The following EXOSC10 variants were observed in gnomAD, a reference collection of about 807,000 sequenced individuals.
EXOSC10 encodes exosome complex component 10.
A neutral mutation model predicts 126.6 loss-of-function variants in EXOSC10; 94 were observed. That is an observed-to-expected ratio of 0.74 (90% CI 0.63 to 0.88). The LOEUF (loss-of-function observed/expected upper bound fraction) is 0.88, where lower values mean the gene tolerates loss of function less well. Ranked by LOEUF, EXOSC10 falls within the 40% of genes least tolerant of loss-of-function variation. EXOSC10 has a pLI of 0.00. For synonymous variants in EXOSC10, 395 were observed against 400.8 expected (o/e 0.99, Z 0.17); for missense variants, 1,041 against 1,100.5 (o/e 0.95, Z 0.77).
intron 3 of EXOSC10, among the ~76,000 whole-genome samples, chr1:11,093,578 C>A (rs947608759): frequency 2.6e-5 from 4 of 152,194 alleles, no homozygotes; most frequent in African/African-American, 9.7e-5. Flanking sequence ...TTTCCATGAT[C>A]TCTATGTATT....
chr1:11,095,682 C>G, intron 3 of EXOSC10, 76 bp downstream of exon 3: 1 of 1,420,626 alleles, frequency 7.0e-7, no homozygotes. Flanking sequence ...TCACTGCACT[C>G]CAGCCTGGGC....
chr1:11,091,719 C>G, intron 3 of EXOSC10, 122 bp from the exon 4 acceptor site: 1 of 704,708 alleles, frequency 1.4e-6, no homozygotes, highest in South Asian at 1.7e-5. Context: ...AGTGCAGTGG[C>G]GCAATCTTGC....
intron 19 of EXOSC10, 114 bp downstream of exon 19, chr1:11,073,820 G>C: frequency 1.3e-6 from 1 of 760,798 alleles, no homozygotes; most frequent in Non-Finnish European, 2.1e-6. Context: ...GGAGGTTGCA[G>C]TGAGTCAAGA....
chr1:11,090,151 C>T (rs973318944), intron 6 of EXOSC10, among the ~76,000 whole-genome samples: 8 of 152,132 alleles, frequency 5.3e-5, no homozygotes, highest in African/African-American at 1.9e-4. Context: ...GCACACACCA[C>T]CTCGCCTGGC....
In EXOSC10 at chr1:11,081,239, C is replaced by A; in HGVS notation, c.1281-1G>T. ...GCTGAGCATCTCCTCGGGCAGAGGG[C>A]TGGAATTGCAGAGGACAATGTTTTA... On this transcript the variant is annotated splice_acceptor_variant, in intron 10 of 24. Coordinates refer to ENST00000376936, the MANE Select transcript of EXOSC10 (RefSeq NM_001001998.3). LOFTEE classifies it high-confidence loss of function. The A allele has an allele frequency of 3.7e-6, 6 of 1,614,050 alleles. No homozygotes were observed. The highest frequency in any genetic ancestry group is 5.1e-6 in the Non-Finnish European group (6 of 1,179,946).
Position 11,076,950 on chromosome 1 carries a change from T to C in EXOSC10, c.1880-2A>G. The C allele has an allele frequency of 1.2e-6, 2 of 1,610,730 alleles. No individual in the cohort carries two copies. The highest frequency in any genetic ancestry group is 8.5e-7 in the Non-Finnish European group (1 of 1,177,342). On this transcript the variant is annotated splice_acceptor_variant, in intron 16 of 24. Coordinates refer to ENST00000376936, the MANE Select transcript of EXOSC10 (RefSeq NM_001001998.3). LOFTEE classifies it high-confidence loss of function. ...CCTGCTTCTGAACTGGCACAGATCC[T>C]AGAGGAGCAGAAGATAGTAAGGTCA...
At chr1:11,085,982 T>C (rs1302625915) in intron 9 of EXOSC10, among the ~76,000 whole-genome samples, 1 of 151,926 alleles carries the variant, frequency 6.6e-6, no homozygotes, top group Non-Finnish European at 1.5e-5. Flanking sequence ...CACTTGATCA[T>C]GGTGGATAAG....
chr1:11,096,163 T>C (rs139036335), intron 2 of EXOSC10, among the ~76,000 whole-genome samples: 2,167 of 152,184 alleles, frequency 0.014, 21 homozygotes, highest in Non-Finnish European at 0.023. Flanking sequence ...TTTGTATTTT[T>C]AGTAAAGATG....
At chr1:11,087,117 G>C (rs1246284579) in intron 9 of EXOSC10, among the ~76,000 whole-genome samples, 1 of 152,204 alleles carries the variant, frequency 6.6e-6, no homozygotes, top group Non-Finnish European at 1.5e-5. Context: ...CCATACGCTT[G>C]AAGTCTGAAA....
At chr1:11,071,888 T>A in intron 20 of EXOSC10, 199 bp downstream of exon 20, 2 of 530,326 alleles carry the variant, frequency 3.8e-6, no homozygotes, top group South Asian at 2.6e-5. Flanking sequence ...CTACAGCACC[T>A]CCAGCACTCC....
Position 11,096,179 on chromosome 1 carries a change from T to C in EXOSC10, c.249-298A>G, listed in dbSNP as rs569527670. 9.1e-4 allele frequency among the ~76,000 whole-genome samples: 139 copies of C among 151,942 alleles called. 1 individual carries two copies. Among genetic ancestry groups the C allele is most frequent in the African/African-American group, 3.3e-3 (135 of 41,398 alleles). The stretch of plus-strand genomic sequence containing the variant: ...TTGTATTTTTAGTAAAGATGAGGTT[T>C]TGCCATGTTGGCCAGGCTGCTCTCG... On this transcript the variant is annotated intron_variant, in intron 2 of 24. Coordinates refer to ENST00000376936, the MANE Select transcript of EXOSC10 (RefSeq NM_001001998.3).
chr1:11,077,911 C>A (rs767575186), intron 14 of EXOSC10, among the ~76,000 whole-genome samples: 16 of 152,298 alleles, frequency 1.1e-4, no homozygotes, highest in Non-Finnish European at 1.8e-4. Flanking sequence ...AAAGACTCTT[C>A]TCTAGTAATC....
intron 19 of EXOSC10, 197 bp from the exon 20 acceptor site, chr1:11,072,368 G>A (rs191423184): frequency 2.1e-5 from 11 of 523,398 alleles, no homozygotes; most frequent in African/African-American, 1.5e-4. Context: ...AGGACAAAGT[G>A]CTACTGTCCT....
intron 4 of EXOSC10, 106 bp from the exon 5 acceptor site, chr1:11,091,285 T>C (rs1640791613): frequency 8.7e-7 from 1 of 1,151,772 alleles, no homozygotes; most frequent in Admixed American, 2.2e-5. Context: ...GCAAAGGTCA[T>C]TCATTCATTT....
rs147762859 is a variant in EXOSC10, at chr1:11,068,655, G to A, written c.2540C>T (p.Pro847Leu). 9.6e-5 allele frequency: 155 copies of A among 1,614,096 alleles called. 1 individual carries two copies. The African/African-American group carries it at 1.8e-3, about 18-fold the overall frequency. Reference sequence around the variant, plus strand: ...AGGAGCAGTTCTTACCTTGCCAGACGGGGTCTGTTTATTTGGATCAAACTG... The same window carrying A: ...AGGAGCAGTTCTTACCTTGCCAGACAGGGTCTGTTTATTTGGATCAAACTG... ...SSQFDPNKQT[P>L]SGKKCIAAKK... The change falls in exon 23 of 25, where the codon CCG (proline) becomes CTG (leucine). Residue 847 changes from proline to leucine, a missense_variant. Physicochemically the swap from Pro to Leu is moderately conservative, Grantham distance 98. Around this residue, in one of 3 missense-constraint regions of EXOSC10, gnomAD observed 388 missense variants for 415.2 expected, o/e 0.93. Transcript: ENST00000376936.
intron 14 of EXOSC10, among the ~76,000 whole-genome samples, chr1:11,078,039 G>A (rs1197591369): frequency 2.6e-5 from 4 of 152,132 alleles, no homozygotes; most frequent in South Asian, 4.1e-4. Context: ...TTGGGAGGCT[G>A]AGGTGGGAGG....
intron 19 of EXOSC10, among the ~76,000 whole-genome samples, chr1:11,073,657 A>G (rs1639641844): frequency 6.6e-6 from 1 of 151,916 alleles, no homozygotes; most frequent in Non-Finnish European, 1.5e-5. Context: ...TGGGAGGCCA[A>G]GGCGGGTGGA....
intron 12 of EXOSC10, 33 bp from the exon 13 acceptor site, chr1:11,080,582 ACACACACACACACACACACACACG>A (rs1205947890): frequency 1.9e-6 from 3 of 1,601,384 alleles, no homozygotes; most frequent in East Asian, 4.5e-5. Context: ...ACACACACAC[ACACACACACACACACACACACACG>A]GTGGGGACAC....
chr1:11,077,801 G>A, intron 14 of EXOSC10, 150 bp from the exon 15 acceptor site: 1 of 628,500 alleles, frequency 1.6e-6, no homozygotes, highest in Non-Finnish European at 2.8e-6. Context: ...ACAGTGCCTG[G>A]CATGATAATT....
Sources: gnomAD v4.1 joint callset for allele counts (sites outside exome capture counted in the v4.1 genomes callset) on GRCh38, gnomAD v4.1.1 for gene constraint, gnomAD v4.1.1 regional missense constraint, MANE v1.5 for transcripts, NCBI Gene and HGNC (gene_info 2026-07-23, HGNC 2026-07-21) for gene names.